Variants in A1CF observed in about 807,000 individuals in gnomAD.
A1CF encodes the protein APOBEC-1 stimulating protein.
A1CF carries 48 observed loss-of-function variants against 68.9 expected under a neutral mutation model. The ratio of observed to expected loss-of-function variants is 0.70; its 90% CI spans 0.55 to 0.89. A1CF has a LOEUF of 0.89. Ranked by LOEUF, A1CF falls within the 40% of genes least tolerant of loss-of-function variation. The pLI, the probability that A1CF is intolerant of heterozygous loss-of-function variation, is 0.00. For missense variants in A1CF, 653 were observed against 718.9 expected, an observed-to-expected ratio of 0.91 and a Z score of 1.05; for synonymous variants, 272 against 260.4, an observed-to-expected ratio of 1.04 and a Z score of -0.43.
Position 50,816,142 on chromosome 10 carries a change from A to G in A1CF, c.1005T>C (p.Tyr335=). 1 of 1,613,904 alleles carries G rather than the reference A, an allele frequency of 6.2e-7. No homozygotes were observed. Among genetic ancestry groups the G allele is most frequent in the Non-Finnish European group, 8.5e-7 (1 of 1,179,888 alleles). The change falls in exon 9 of 13, where the codon TAT becomes TAC. Residue 335 remains tyrosine, a synonymous_variant. Transcript: ENST00000373997. ...CTCCAAGGTAGGTTGTGGTGGGATC[A>G]TAAACTTGGCCCAAAGAGTAGGTAT... The part of the protein sequence containing the change: ...GEYTYSLGQV[Y]DPTTTYLGAP...
chr10:50,802,319 C>T lies in A1CF; in HGVS notation c.*4410G>A, dbSNP rs371949547. 7.9e-5 allele frequency: 12 copies of T among 152,288 alleles called. No homozygotes were observed. The highest frequency in any genetic ancestry group is 2.9e-4 in the African/African-American group (12 of 41,564). The allele number at this position is 152,288 out of a possible 1,614,324, so 9.4% of individuals were successfully genotyped here. On this transcript the variant is annotated 3_prime_UTR_variant, in exon 13 of 13. Coordinates refer to ENST00000373997, the MANE Select transcript of A1CF (RefSeq NM_014576.4). ...AATCAAATTTGACAGTTTAACAAAA[C>T]CTGATTGACAATGGTTGCACGTCAG...
intron 6 of A1CF, among the ~76,000 whole-genome samples, chr10:50,834,030 A>G (rs1231846243): frequency 6.6e-6 from 1 of 152,138 alleles, no homozygotes; most frequent in Non-Finnish European, 1.5e-5. Context: ...AGCTTAATGA[A>G]GTGCTTGAAA....
At chr10:50,851,323 G>A (rs569176013) in intron 3 of A1CF, among the ~76,000 whole-genome samples, 21 of 152,148 alleles carry the variant, frequency 1.4e-4, no homozygotes, top group Non-Finnish European at 2.2e-4. Context: ...TTTAATGGAG[G>A]AAAATGTTCA....
At chr10:50,810,487 G>A (rs758750511) in intron 11 of A1CF, among the ~76,000 whole-genome samples, 3 of 152,078 alleles carry the variant, frequency 2.0e-5, no homozygotes, top group South Asian at 2.1e-4. Context: ...ATGGGCTATA[G>A]CTTTGTTTGT....
intron 1 of A1CF, among the ~76,000 whole-genome samples, chr10:50,866,078 A>G (rs1840975822): frequency 6.6e-6 from 1 of 152,252 alleles, no homozygotes; most frequent in African/African-American, 2.4e-5. Context: ...TTTAATCTGA[A>G]TTGAAAGTCC....
intron 3 of A1CF, among the ~76,000 whole-genome samples, chr10:50,855,796 T>C (rs78926904): frequency 2.0e-5 from 3 of 152,156 alleles, no homozygotes; most frequent in Non-Finnish European, 2.9e-5. Context: ...ACTGCAAAGA[T>C]ACAGCAAAAG....
intron 9 of A1CF, 33 bp from the exon 10 acceptor site, chr10:50,814,071 G>A (rs200481992): frequency 6.8e-6 from 11 of 1,610,826 alleles, no homozygotes; most frequent in African/African-American, 4.0e-5. Context: ...TTCTAGGAAC[G>A]TAAGAAGGCA....
intron 2 of A1CF, among the ~76,000 whole-genome samples, chr10:50,861,810 T>C (rs1840760487): frequency 6.7e-6 from 1 of 148,256 alleles, no homozygotes; most frequent in South Asian, 2.1e-4. Flanking sequence ...TTACTAGTAA[T>C]TATAATAATA....
Position 50,806,743 on chromosome 10 carries a change from A to G in A1CF, c.1747T>C (p.Tyr583His), listed in dbSNP as rs1277353606. The G allele has an allele frequency of 6.2e-7, 1 of 1,604,298 alleles. No individual in the cohort carries two copies. Among genetic ancestry groups the G allele is most frequent in the East Asian group, 2.2e-5 (1 of 44,686 alleles). Residue 583 changes from tyrosine (Y) to histidine (H), a missense_variant, in exon 13 of 13, where the codon TAT (tyrosine) becomes CAT (histidine). Tyr to His is a moderately conservative substitution (Grantham distance 83). Coordinates refer to ENST00000373997, the MANE Select transcript of A1CF (RefSeq NM_014576.4). ...TFAVTARGDG[Y>H]GTF is the part of the protein sequence containing the mutation. ...AAAAAGCATCTTCAGAAGGTGCCATATCCATCCCCTCGGGCAGTCACTGCA... is the reference window on the plus strand; with the variant it reads ...AAAAAGCATCTTCAGAAGGTGCCATGTCCATCCCCTCGGGCAGTCACTGCA...
At chr10:50,836,855 C>G (rs191660858) in intron 5 of A1CF, among the ~76,000 whole-genome samples, 24 of 152,074 alleles carry the variant, frequency 1.6e-4, no homozygotes, top group Non-Finnish European at 1.9e-4. Flanking sequence ...CATGTCCCTA[C>G]AAAGGACATG....
chr10:50,879,446 A>C (rs1841672789), intron 1 of A1CF, among the ~76,000 whole-genome samples: 1 of 152,156 alleles, frequency 6.6e-6, no homozygotes, highest in African/African-American at 2.4e-5. Flanking sequence ...GTCTGTTCTC[A>C]TACTGCTACA....
rs576683121 is a variant in A1CF, at chr10:50,860,426, T to G, written c.-45-441A>C. Among the ~76,000 whole-genome samples the G allele has an allele frequency of 2.6e-5, 4 of 152,328 alleles. No individual in the cohort carries two copies. The South Asian group carries it at 8.3e-4, about 32-fold the overall frequency. ...GTTTTAGTCTGTGTGTCAGCTAAGA[T>G]AGTTATCTACTTATTCTCCAAAGAT... On this transcript the variant is annotated intron_variant, in intron 2 of 12. Coordinates refer to ENST00000373997, the MANE Select transcript of A1CF (RefSeq NM_014576.4).
At chr10:50,856,001 A>G (rs1189031915) in intron 3 of A1CF, among the ~76,000 whole-genome samples, 1 of 151,952 alleles carries the variant, frequency 6.6e-6, no homozygotes. Flanking sequence ...AATCCAGAGT[A>G]GGAAGGCTGA....
intron 1 of A1CF, among the ~76,000 whole-genome samples, chr10:50,877,554 C>T (rs1841568858): frequency 6.6e-6 from 1 of 152,192 alleles, no homozygotes; most frequent in Admixed American, 6.5e-5. Flanking sequence ...CAATCTGACA[C>T]TTGTAAGGAA....
intron 1 of A1CF, among the ~76,000 whole-genome samples, chr10:50,865,296 TTAC>T (rs34019432): frequency 0.051 from 7,776 of 151,162 alleles, 640 homozygotes; most frequent in African/African-American, 0.17. Context: ...GCTGCTGCTA[TTAC>T]TACTACTACT....
rs183476470 is a variant in A1CF, at chr10:50,811,036, G to A, written c.1460+4C>T. ...ATGGTAAGGAATTTGGAGAAGTTACGCACATTGCAGGATTCTGGCTGGCTA... is the reference window on the plus strand; with the variant it reads ...ATGGTAAGGAATTTGGAGAAGTTACACACATTGCAGGATTCTGGCTGGCTA... On this transcript the variant is annotated splice_donor_region_variant and intron_variant, in intron 11 of 12. Coordinates refer to ENST00000373997, the MANE Select transcript of A1CF (RefSeq NM_014576.4). 6.7e-5 allele frequency: 108 copies of A among 1,609,774 alleles called. No homozygotes were observed. In the Admixed American group the frequency reaches 1.5e-3, roughly 22 times the overall value.
At chr10:50,863,093 G>A (rs1840818514) in intron 2 of A1CF, 1 of 152,184 alleles carries the variant, frequency 6.6e-6, no homozygotes, top group African/African-American at 2.4e-5. Flanking sequence ...ACATATAAAT[G>A]CACTCTGAAG....
chr10:50,872,771 T>C (rs779587194), intron 1 of A1CF, among the ~76,000 whole-genome samples: 21 of 151,916 alleles, frequency 1.4e-4, no homozygotes, highest in Non-Finnish European at 1.5e-5. Flanking sequence ...ACATCAAGGA[T>C]TGATCCCCTG....
intron 2 of A1CF, 100 bp from the exon 3 acceptor site, chr10:50,860,085 C>T (rs1280318822): frequency 1.6e-5 from 10 of 638,504 alleles, no homozygotes; most frequent in East Asian, 2.8e-5. Flanking sequence ...TCTGTAAATG[C>T]GTCATTAAAG....
Sources: gnomAD v4.1 joint callset for allele counts (sites outside exome capture counted in the v4.1 genomes callset) on GRCh38, gnomAD v4.1.1 for gene constraint, MANE v1.5 for transcripts, NCBI Gene and HGNC (gene_info 2026-07-23, HGNC 2026-07-21) for gene names.